Variants in C8orf34 observed in about 807,000 individuals in gnomAD.
C8orf34 encodes uncharacterized protein C8orf34.
A neutral mutation model predicts 68.3 loss-of-function variants in C8orf34; 65 were observed. That is an observed-to-expected ratio of 0.95 (90% CI 0.78 to 1.17). The LOEUF (loss-of-function observed/expected upper bound fraction) is 1.17. Among genes scored for constraint, C8orf34 ranks in the 50% most tolerant of loss-of-function variants. The pLI is 0.00. For missense variants in C8orf34, 664 were observed against 655.4 expected (o/e 1.01, Z -0.14); for synonymous variants, 244 against 241.2 (o/e 1.01, Z -0.11).
chr8:68,532,851 A>G, intron 6 of C8orf34, 132 bp from the exon 7 acceptor site: 2 of 617,432 alleles, frequency 3.2e-6, no homozygotes, highest in Non-Finnish European at 5.5e-6. Flanking sequence ...AAGAAAGATG[A>G]TATTTCCATT....
intron 12 of C8orf34, among the ~76,000 whole-genome samples, chr8:68,813,196 G>A (rs1824706708): frequency 6.6e-6 from 1 of 152,118 alleles, no homozygotes; most frequent in African/African-American, 2.4e-5. Flanking sequence ...CATCAAAGCT[G>A]CTTCATTTCT....
At chr8:68,723,288 T>A (rs1821726286) in intron 10 of C8orf34, among the ~76,000 whole-genome samples, 1 of 152,126 alleles carries the variant, frequency 6.6e-6, no homozygotes, top group African/African-American at 2.4e-5. Context: ...TACGAGCATG[T>A]CCCAAATGAG....
In C8orf34 at chr8:68,514,509, C is replaced by T. The variant is rs563779674; in HGVS notation, c.766-7290C>T. ...TTTAGTCTGGACTTGGATTTCCCTT[C>T]TGATGGTTTCTCTTCTTTTCCCACA... On this transcript the variant is annotated intron_variant, in intron 5 of 13. Coordinates refer to ENST00000518698, the MANE Select transcript of C8orf34 (RefSeq NM_052958.4). Among the ~76,000 whole-genome samples, 30 of 152,348 alleles carry T rather than the reference C, an allele frequency of 2.0e-4. No individual in the cohort carries two copies. In the South Asian group the frequency reaches 2.7e-3, roughly 14 times the overall value.
chr8:68,431,529 T>A (rs1810451853), intron 1 of C8orf34, among the ~76,000 whole-genome samples: 1 of 152,164 alleles, frequency 6.6e-6, no homozygotes, highest in Admixed American at 6.5e-5. Flanking sequence ...AGACTATTAG[T>A]TGAGGAGTGT....
chr8:68,537,978 C>CAT (rs1160139492), intron 7 of C8orf34, among the ~76,000 whole-genome samples: 5 of 151,976 alleles, frequency 3.3e-5, no homozygotes, highest in Non-Finnish European at 7.4e-5. Flanking sequence ...AATAAATCAA[C>CAT]ATAGTAGAAT....
At chr8:68,611,840 C>T (rs1028198030) in intron 7 of C8orf34, among the ~76,000 whole-genome samples, 1 of 152,150 alleles carries the variant, frequency 6.6e-6, no homozygotes, top group African/African-American at 2.4e-5. Context: ...TTACAAACAA[C>T]AAGCAGTGAG....
At chr8:68,508,941 C>T (rs1032976951) in intron 5 of C8orf34, among the ~76,000 whole-genome samples, 10 of 152,080 alleles carry the variant, frequency 6.6e-5, no homozygotes, top group South Asian at 2.1e-4. Context: ...CCTCTCAGTT[C>T]GAATTGCAGT....
At chr8:68,360,752 C>CTTTTTTTT (rs1319672272) in intron 1 of C8orf34, among the ~76,000 whole-genome samples, 3 of 144,192 alleles carry the variant, frequency 2.1e-5, no homozygotes, top group African/African-American at 8.0e-5. Context: ...CCTTTTCTTC[C>CTTTTTTTT]TTTCTTTTTT....
chr8:68,721,364 C>T lies in C8orf34; in HGVS notation c.1331C>T (p.Ser444Phe). 1 of 1,599,820 alleles carries T rather than the reference C, an allele frequency of 6.3e-7. No individual in the cohort carries two copies. The highest frequency in any genetic ancestry group is 8.5e-7 in the Non-Finnish European group (1 of 1,170,094). Residue 444 changes from serine to phenylalanine, a missense_variant, in exon 10 of 14, where the codon TCC becomes TTC. Ser to Phe is a radical substitution (Grantham distance 155, BLOSUM62 -2). Transcript: ENST00000518698. ...PDEKIPDSFD[S>F]LPGTEEALME... The stretch of plus-strand genomic sequence containing the variant: ...CATTTTTTAAAAATAAAAATAGATT[C>T]CTTGCCTGGGACTGAAGAAGCACTA...
chr8:68,444,554 G>A (rs1013275303), intron 2 of C8orf34, among the ~76,000 whole-genome samples: 14 of 152,034 alleles, frequency 9.2e-5, no homozygotes, highest in African/African-American at 3.4e-4. Context: ...AACAAATAGT[G>A]TAGGTGGACT....
At chr8:68,456,863 T>C (rs969416271) in intron 3 of C8orf34, among the ~76,000 whole-genome samples, 4 of 152,338 alleles carry the variant, frequency 2.6e-5, no homozygotes, top group African/African-American at 9.6e-5. Flanking sequence ...TAAGCATGAT[T>C]TGATGAAGGT....
chr8:68,332,298 C>T (rs1398017998), intron 1 of C8orf34, among the ~76,000 whole-genome samples: 2 of 145,890 alleles, frequency 1.4e-5, no homozygotes, highest in African/African-American at 5.0e-5. Context: ...TTGGTCCCAT[C>T]CAGTTCAGGG....
intron 11 of C8orf34, among the ~76,000 whole-genome samples, chr8:68,780,290 T>C (rs78757840): frequency 0.013 from 1,942 of 152,322 alleles, 31 homozygotes; most frequent in African/African-American, 0.044. Flanking sequence ...TTGTTTTTCA[T>C]TGATACACCC....
intron 1 of C8orf34, among the ~76,000 whole-genome samples, chr8:68,369,870 G>A (rs1159431931): frequency 6.6e-6 from 1 of 152,212 alleles, no homozygotes; most frequent in African/African-American, 2.4e-5. Context: ...TGGAGCATAA[G>A]GGTTGAGCAC....
chr8:68,597,918 A>G (rs1817593687), intron 7 of C8orf34, among the ~76,000 whole-genome samples: 1 of 152,128 alleles, frequency 6.6e-6, no homozygotes, highest in Admixed American at 6.6e-5. Context: ...CCTTCTTACA[A>G]CTAGCTAGAT....
chr8:68,564,078 A>T (rs1360389884), intron 7 of C8orf34, among the ~76,000 whole-genome samples: 1 of 152,228 alleles, frequency 6.6e-6, no homozygotes, highest in Non-Finnish European at 1.5e-5. Flanking sequence ...CCTTAACTAC[A>T]TTAGTTTGCT....
chr8:68,438,263 A>C (rs935177088), intron 1 of C8orf34: 1 of 152,278 alleles, frequency 6.6e-6, no homozygotes, highest in Non-Finnish European at 1.5e-5. Flanking sequence ...GAGAGATAAC[A>C]AACTGGTGAG....
At chr8:68,564,832 TGAGA>T (rs1215424797) in intron 7 of C8orf34, among the ~76,000 whole-genome samples, 1 of 151,294 alleles carries the variant, frequency 6.6e-6, no homozygotes, top group African/African-American at 2.4e-5. Context: ...TCTTCTGAAG[TGAGA>T]GAGAGAGTTA....
At chr8:68,603,986 GAT>G (rs1817780930) in intron 7 of C8orf34, among the ~76,000 whole-genome samples, 1 of 152,096 alleles carries the variant, frequency 6.6e-6, no homozygotes, top group African/African-American at 2.4e-5. Flanking sequence ...AGAAGATTAA[GAT>G]ATAATTTATG....
Sources: allele counts gnomAD v4.1 joint callset (sites outside exome capture counted in the v4.1 genomes callset), GRCh38; gene constraint gnomAD v4.1.1; transcripts MANE v1.5; gene names NCBI Gene and HGNC (gene_info 2026-07-23, HGNC 2026-07-21).